The following TJP1 variants were observed in gnomAD, a reference collection of about 807,000 sequenced individuals.
TJP1 encodes the protein tight junction protein ZO-1.
A neutral mutation model predicts 194.2 loss-of-function variants in TJP1; 43 were observed. The ratio of observed to expected loss-of-function variants is 0.22; its 90% CI spans 0.17 to 0.29. TJP1 has a LOEUF of 0.29. TJP1 is among the 10% of genes least tolerant of loss of function. TJP1 has a pLI of 1.00. For missense variants in TJP1, 1,971 were observed against 2,185.7 expected (o/e 0.90, Z 1.96); for synonymous variants, 801 against 779.0 (o/e 1.03, Z -0.47).
At chr15:29,876,520 CAAA>C (rs11396162) in intron 2 of TJP1, among the ~76,000 whole-genome samples, 1 of 136,680 alleles carries the variant, frequency 7.3e-6, no homozygotes, top group Admixed American at 7.4e-5. Context: ...GACTCTGTCT[CAAA>C]AAAAAAAAAA....
intron 4 of TJP1, among the ~76,000 whole-genome samples, chr15:29,768,782 G>A (rs2046472515): frequency 6.6e-6 from 1 of 152,076 alleles, no homozygotes; most frequent in Admixed American, 6.5e-5. Context: ...ATTAGTAGGT[G>A]TGACAACTAT....
chr15:29,894,046 A>C (rs914473069), intron 2 of TJP1, among the ~76,000 whole-genome samples: 2 of 152,202 alleles, frequency 1.3e-5, no homozygotes, highest in African/African-American at 4.8e-5. Context: ...CCATCTGACC[A>C]GGTCTAGTTT....
intron 1 of TJP1, among the ~76,000 whole-genome samples, chr15:29,965,776 G>C (rs1238725599): frequency 6.6e-6 from 1 of 152,170 alleles, no homozygotes; most frequent in African/African-American, 2.4e-5. Context: ...TTAAGAATAT[G>C]AAGTATTCTA....
At chr15:29,966,227 G>A (rs145311906) in intron 1 of TJP1, among the ~76,000 whole-genome samples, 7 of 152,114 alleles carry the variant, frequency 4.6e-5, no homozygotes, top group East Asian at 3.9e-4. Flanking sequence ...ACTGGCCCGC[G>A]CGCAGTGGCT....
At chr15:29,741,115 G>A (rs939530717) in intron 10 of TJP1, 30 of 384,282 alleles carry the variant, frequency 7.8e-5, no homozygotes, top group African/African-American at 3.2e-4. Flanking sequence ...AGGAGACAGC[G>A]GTGAGAAAGA....
chr15:29,876,121 G>A (rs1437530044), intron 2 of TJP1, among the ~76,000 whole-genome samples: 1 of 152,212 alleles, frequency 6.6e-6, no homozygotes, highest in East Asian at 1.9e-4. Flanking sequence ...AGAAAGTTCT[G>A]TTGAGAAGCA....
chr15:29,745,997 T>C (rs773733194), intron 8 of TJP1, among the ~76,000 whole-genome samples: 1 of 152,222 alleles, frequency 6.6e-6, no homozygotes, highest in African/African-American at 2.4e-5. Context: ...GGATTTGATC[T>C]ATTTCACTTG....
chr15:29,781,806 T>G (rs1448864563), intron 2 of TJP1, among the ~76,000 whole-genome samples: 3 of 152,158 alleles, frequency 2.0e-5, no homozygotes, highest in Non-Finnish European at 4.4e-5. Flanking sequence ...GCATTGAAAT[T>G]GAAGGAACAC....
At chr15:29,701,828 CAT>C in intron 27 of TJP1, 139 bp from the exon 28 acceptor site, 1 of 628,378 alleles carries the variant, frequency 1.6e-6, no homozygotes, top group African/African-American at 1.8e-5. Flanking sequence ...TATCAAAACA[CAT>C]TGCTGTATTT....
At chr15:29,751,584 T>C (rs1480653183) in intron 8 of TJP1, among the ~76,000 whole-genome samples, 1 of 152,248 alleles carries the variant, frequency 6.6e-6, no homozygotes, top group Admixed American at 6.5e-5. Context: ...AAGAGGACTT[T>C]TGTCTCACTT....
At chr15:29,906,998 T>C (rs1423326153) in intron 2 of TJP1, among the ~76,000 whole-genome samples, 1 of 152,224 alleles carries the variant, frequency 6.6e-6, no homozygotes, top group Non-Finnish European at 1.5e-5. Context: ...AAAAAGTATA[T>C]GGTAGCAAAA....
chr15:29,914,956 C>T (rs951615915), intron 2 of TJP1, among the ~76,000 whole-genome samples: 50 of 152,130 alleles, frequency 3.3e-4, no homozygotes, highest in African/African-American at 1.1e-3. Flanking sequence ...CAGTCAGTTG[C>T]ACTGTTTCAT....
At chr15:29,847,143 C>T (rs1347983215) in intron 2 of TJP1, among the ~76,000 whole-genome samples, 1 of 152,026 alleles carries the variant, frequency 6.6e-6, no homozygotes, top group East Asian at 1.9e-4. Context: ...TGCTCTGTCA[C>T]CCAGGCTGGA....
At chr15:29,843,186 C>CTTTTTTTTTTTTTTTT (rs544307311) in intron 2 of TJP1, among the ~76,000 whole-genome samples, 1 of 69,430 alleles carries the variant, frequency 1.4e-5, no homozygotes, top group African/African-American at 5.2e-5. Context: ...TTTTTCTTTT[C>CTTTTTTTTTTTTTTTT]TTTTTTTTTT....
chr15:29,855,549 A>G (rs1321412658), intron 2 of TJP1, among the ~76,000 whole-genome samples: 1 of 152,134 alleles, frequency 6.6e-6, no homozygotes, highest in Non-Finnish European at 1.5e-5. Context: ...ATAAAGTGAG[A>G]AAGAAAAGAT....
intron 8 of TJP1, 66 bp from the exon 9 acceptor site, chr15:29,742,847 C>A: frequency 2.1e-6 from 3 of 1,449,714 alleles, no homozygotes; most frequent in Non-Finnish European, 1.8e-6. Flanking sequence ...TGTAAGAGAA[C>A]AGTATAAGAA....
intron 1 of TJP1, among the ~76,000 whole-genome samples, chr15:29,965,848 C>A (rs76700015): frequency 6.6e-6 from 1 of 152,106 alleles, no homozygotes; most frequent in Non-Finnish European, 1.5e-5. Flanking sequence ...TTCCCTTTGC[C>A]GCTGTAGAAT....
In TJP1 at chr15:29,741,441, G is replaced by GAA. The variant is rs145191256; in HGVS notation, c.1151-7_1151-6dup. The GAA allele has an allele frequency of 4.1e-4, 623 of 1,526,612 alleles. No individual in the cohort carries two copies. Among genetic ancestry groups the GAA allele is most frequent in the Middle Eastern group, 7.0e-4 (4 of 5,750 alleles). 94.6% of individuals were successfully genotyped at this position (1,526,612 alleles called of 1,614,324 possible). On this transcript the variant is annotated splice_region_variant and splice_polypyrimidine_tract_variant and intron_variant, in intron 9 of 27. Transcript: ENST00000614355. ...GGGCATACACAGGCTTTGGTTCTAA[G>GAA]AAAAAAAAAATTGAGTAGGACTCAC... is the stretch of plus-strand genomic sequence containing the variant.
At chr15:29,750,318 T>C (rs1441450803) in intron 8 of TJP1, among the ~76,000 whole-genome samples, 1 of 152,070 alleles carries the variant, frequency 6.6e-6, no homozygotes, top group Non-Finnish European at 1.5e-5. Flanking sequence ...TTTTGTATTT[T>C]AGTAGAGACA....
Sources: gnomAD v4.1 joint callset for allele counts (sites outside exome capture counted in the v4.1 genomes callset) on GRCh38, gnomAD v4.1.1 for gene constraint, MANE v1.5 for transcripts, NCBI Gene and HGNC (gene_info 2026-07-23, HGNC 2026-07-21) for gene names.